The following RIMKLA variants were observed in gnomAD, a reference collection of about 807,000 sequenced individuals.
RIMKLA encodes the protein N-acetylaspartylglutamate synthase A.
RIMKLA carries 14 observed loss-of-function variants against 32.7 expected under a neutral mutation model. That is an observed-to-expected ratio of 0.43 (90% CI 0.28 to 0.67). The LOEUF is 0.67. Ranked by LOEUF, RIMKLA falls within the 30% of genes least tolerant of loss-of-function variation. The probability of loss-of-function intolerance (pLI) is 0.18; values close to 1 mark genes in which losing one functional copy is unlikely to be tolerated. For missense variants in RIMKLA, 410 were observed against 519.0 expected (o/e 0.79, Z 2.04); for synonymous variants, 176 against 204.1 (o/e 0.86, Z 1.18).
chr1:42,409,899 G>T, intron 3 of RIMKLA, 85 bp from the exon 4 acceptor site: 1 of 1,025,588 alleles, frequency 9.8e-7, no homozygotes. Context: ...AAGAACTGAT[G>T]ACTTTATGGA....
At chr1:42,400,405 A>G (rs1235041319) in intron 2 of RIMKLA, among the ~76,000 whole-genome samples, 1 of 152,204 alleles carries the variant, frequency 6.6e-6, no homozygotes, top group Non-Finnish European at 1.5e-5. Flanking sequence ...ACAGGGGCAA[A>G]GTAGAGACAG....
chr1:42,400,347 G>T (rs113363483), intron 2 of RIMKLA, among the ~76,000 whole-genome samples: 1,642 of 152,300 alleles, frequency 0.011, 24 homozygotes, highest in African/African-American at 0.038. Context: ...CCTGATAAGA[G>T]TTATAGTTCA....
intron 2 of RIMKLA, among the ~76,000 whole-genome samples, chr1:42,401,129 G>A (rs779593999): frequency 2.6e-5 from 4 of 151,916 alleles, no homozygotes; most frequent in Non-Finnish European, 5.9e-5. Flanking sequence ...TCTCATAAGC[G>A]GTGCACAACC....
intron 1 of RIMKLA, 53 bp from the exon 2 acceptor site, chr1:42,399,351 T>C: frequency 7.6e-7 from 1 of 1,308,642 alleles, no homozygotes; most frequent in Non-Finnish European, 1.1e-6. Context: ...CCATTTCTTC[T>C]GGTGGACTAA....
At chr1:42,385,484 T>G (rs1642927762) in intron 1 of RIMKLA, among the ~76,000 whole-genome samples, 1 of 152,126 alleles carries the variant, frequency 6.6e-6, no homozygotes, top group African/African-American at 2.4e-5. Context: ...TCCCTTACAT[T>G]TAGAGCTAAA....
chr1:42,387,999 G>A (rs1642964970), intron 1 of RIMKLA, among the ~76,000 whole-genome samples: 1 of 152,130 alleles, frequency 6.6e-6, no homozygotes, highest in Admixed American at 6.5e-5. Context: ...AGGTAAGGAT[G>A]CAAGCTGTTT....
chr1:42,391,815 G>A (rs574701583), intron 1 of RIMKLA, among the ~76,000 whole-genome samples: 54 of 152,248 alleles, frequency 3.5e-4, no homozygotes, highest in Non-Finnish European at 4.0e-4. Flanking sequence ...GTGAGATGGC[G>A]AGGGAGATGA....
chr1:42,390,427 G>C (rs1166381857), intron 1 of RIMKLA, among the ~76,000 whole-genome samples: 1 of 152,184 alleles, frequency 6.6e-6, no homozygotes, highest in Non-Finnish European at 1.5e-5. Flanking sequence ...TGGTGATGTA[G>C]GAGAGACAGG....
chr1:42,396,887 A>G (rs1168563122), intron 1 of RIMKLA, among the ~76,000 whole-genome samples: 1 of 152,142 alleles, frequency 6.6e-6, no homozygotes, highest in Non-Finnish European at 1.5e-5. Context: ...TTACTATCTT[A>G]AGCAACTTGA....
chr1:42,411,642 TTTTTATTA>T (rs1430072374), intron 4 of RIMKLA, among the ~76,000 whole-genome samples: 32 of 140,958 alleles, frequency 2.3e-4, no homozygotes, highest in African/African-American at 7.2e-4. Flanking sequence ...TGTATTTTTA[TTTTTATTA>T]TTTATTTATT....
chr1:42,409,201 C>CAAAAA lies in RIMKLA; in HGVS notation c.482-757_482-753dup, dbSNP rs59543497. Among the ~76,000 whole-genome samples, 59 of 64,498 alleles carry CAAAAA rather than the reference C, an allele frequency of 9.1e-4. 1 individual carries two copies. The highest frequency in any genetic ancestry group is 3.6e-3 in the African/African-American group (54 of 14,850). 42.3% of individuals were successfully genotyped at this position (64,498 alleles called of 152,430 possible). A position where few individuals can be genotyped will look rare whatever the true frequency, so the allele number is the denominator to read the frequency against. On this transcript the variant is annotated intron_variant, in intron 3 of 4. Transcript: ENST00000431473. ...TGGGTGACAGAGCGAGACTCTGTCTCAAAAAAAAAAAAAAAAAAAAAAAAA... is the reference window on the plus strand; with the variant it reads ...TGGGTGACAGAGCGAGACTCTGTCTCAAAAAAAAAAAAAAAAAAAAAAAAAAAAAA...
chr1:42,401,333 G>A (rs1002412954), intron 2 of RIMKLA, among the ~76,000 whole-genome samples: 8 of 152,016 alleles, frequency 5.3e-5, no homozygotes, highest in Non-Finnish European at 1.0e-4. Context: ...TTAGGGAATG[G>A]GTACAGGAAG....
chr1:42,403,554 AT>A, intron 2 of RIMKLA, among the ~76,000 whole-genome samples: 1 of 152,264 alleles, frequency 6.6e-6, no homozygotes, highest in South Asian at 2.1e-4. Context: ...CGTTATTCAT[AT>A]TTTTTTAAAT....
rs1055367514 is a variant in RIMKLA, at chr1:42,416,949, A to T, written c.*1975A>T. Reference sequence around the variant, plus strand: ...GTAACCCTAGTAATGTGTCTTGTACAGTTGAAAAATAATACTTCACCTTTA... The same window carrying T: ...GTAACCCTAGTAATGTGTCTTGTACTGTTGAAAAATAATACTTCACCTTTA... On this transcript the variant is annotated 3_prime_UTR_variant, in exon 5 of 5. Coordinates refer to ENST00000431473, the MANE Select transcript of RIMKLA (RefSeq NM_173642.4). 1 of 152,248 alleles carries T rather than the reference A, an allele frequency of 6.6e-6. No homozygotes were observed. Among genetic ancestry groups the T allele is most frequent in the Non-Finnish European group, 1.5e-5 (1 of 68,044 alleles). 9.4% of individuals were successfully genotyped at this position (152,248 alleles called of 1,614,324 possible). A position where few individuals can be genotyped will look rare whatever the true frequency, so the allele number is the denominator to read the frequency against.
chr1:42,393,746 A>C (rs1172582090), intron 1 of RIMKLA, among the ~76,000 whole-genome samples: 3 of 152,194 alleles, frequency 2.0e-5, no homozygotes, highest in African/African-American at 7.2e-5. Flanking sequence ...CTCACAACAC[A>C]AGATAATCTG....
At chr1:42,409,530 C>T (rs1643179594) in intron 3 of RIMKLA, among the ~76,000 whole-genome samples, 1 of 152,190 alleles carries the variant, frequency 6.6e-6, no homozygotes, top group Non-Finnish European at 1.5e-5. Flanking sequence ...GTATTTTCAA[C>T]AAATTATGTT....
At chr1:42,381,118 G>A (rs1473578211) in intron 1 of RIMKLA, 21 bp downstream of exon 1, 2 of 1,242,324 alleles carry the variant, frequency 1.6e-6, no homozygotes, top group African/African-American at 3.1e-5. Flanking sequence ...CGGGCCCGGG[G>A]AGGGCAGGGA....
rs150385547 is a variant in RIMKLA at position 42,410,623 on chromosome 1, G to A, written c.685+436G>A. On this transcript the variant is annotated intron_variant, in intron 4 of 4. Coordinates refer to ENST00000431473, the MANE Select transcript of RIMKLA (RefSeq NM_173642.4). ...ATATATTTTCCTTTTATATTTTAAT[G>A]GAAATGTTTTCCTTTTTGTATGATG... Among the ~76,000 whole-genome samples the A allele has an allele frequency of 3.1e-4, 47 of 152,276 alleles. No individual in the cohort carries two copies. The South Asian group carries it at 7.7e-3, about 25-fold the overall frequency.
At chr1:42,413,938 G>A (rs1296163253) in intron 4 of RIMKLA, among the ~76,000 whole-genome samples, 1 of 150,376 alleles carries the variant, frequency 6.6e-6, no homozygotes, top group Non-Finnish European at 1.5e-5. Context: ...TTATTTTTTT[G>A]TAGAGATGGG....
Sources: gnomAD v4.1 joint callset for allele counts (sites outside exome capture counted in the v4.1 genomes callset) on GRCh38, gnomAD v4.1.1 for gene constraint, MANE v1.5 for transcripts, NCBI Gene and HGNC (gene_info 2026-07-23, HGNC 2026-07-21) for gene names.